The following WASL variants were observed in gnomAD, a reference collection of about 807,000 sequenced individuals.
WASL encodes the protein actin nucleation-promoting factor WASL.
WASL carries 20 observed loss-of-function variants against 55.5 expected under a neutral mutation model. The ratio of observed to expected loss-of-function variants is 0.36; its 90% CI spans 0.25 to 0.52. The LOEUF (loss-of-function observed/expected upper bound fraction) is 0.52, where lower values mean the gene tolerates loss of function less well. Among genes scored for constraint, WASL ranks in the 20% least tolerant of loss-of-function variants. WASL has a pLI of 0.92. For synonymous variants in WASL, 249 were observed against 217.6 expected (o/e 1.14, Z -1.27); for missense variants, 504 against 622.5 (o/e 0.81, Z 2.03).
At chr7:123,688,666 A>AT (rs1274776281) in intron 10 of WASL, among the ~76,000 whole-genome samples, 1 of 152,034 alleles carries the variant, frequency 6.6e-6, no homozygotes, top group Admixed American at 6.6e-5. Flanking sequence ...CCAGCCCTGA[A>AT]TTTTTCATGT....
At chr7:123,695,710 A>G in intron 7 of WASL, 113 bp downstream of exon 7, 2 of 998,944 alleles carry the variant, frequency 2.0e-6, no homozygotes, top group Non-Finnish European at 3.0e-6. Flanking sequence ...CATAAAACAC[A>G]AGCACATTCA....
chr7:123,732,770 C>T (rs933014632), intron 1 of WASL, among the ~76,000 whole-genome samples: 1 of 151,906 alleles, frequency 6.6e-6, no homozygotes, highest in East Asian at 1.9e-4. Context: ...CTCTCATGAA[C>T]AAAGATGGAA....
intron 1 of WASL, among the ~76,000 whole-genome samples, chr7:123,739,876 A>ATGTGTGTGTGTG: frequency 8.7e-6 from 1 of 115,530 alleles, no homozygotes; most frequent in Non-Finnish European, 1.8e-5. Flanking sequence ...ACATTTATAT[A>ATGTGTGTGTGTG]TGTGTGTGTG....
intron 5 of WASL, among the ~76,000 whole-genome samples, 175 bp downstream of exon 5, chr7:123,704,459 A>T (rs1196137196): frequency 6.6e-6 from 1 of 152,180 alleles, no homozygotes. Context: ...GGAACACAAT[A>T]AACTGTATAA....
At chr7:123,727,390 T>C (rs1235750229) in intron 1 of WASL, among the ~76,000 whole-genome samples, 10 of 104,628 alleles carry the variant, frequency 9.6e-5, no homozygotes, top group Non-Finnish European at 1.6e-4. Flanking sequence ...CACAAACTTA[T>C]ACAAGAACAC....
Position 123,682,852 on chromosome 7 carries a change from A to G in WASL, c.*1667T>C, listed in dbSNP as rs1803220010. 1 of 152,136 alleles carries G rather than the reference A, an allele frequency of 6.6e-6. No individual in the cohort carries two copies. The highest frequency in any genetic ancestry group is 1.5e-5 in the Non-Finnish European group (1 of 68,012). The allele number at this position is 152,136 out of a possible 1,614,324, so 9.4% of individuals were successfully genotyped here. A position where few individuals can be genotyped will look rare whatever the true frequency, so the allele number is the denominator to read the frequency against. On this transcript the variant is annotated 3_prime_UTR_variant, in exon 11 of 11. Coordinates refer to ENST00000223023, the MANE Select transcript of WASL (RefSeq NM_003941.4). ...AGGGCACTGTTGTTGCAAGAAACAAAAAGTCTAGAATCTTTCCCATGTGCT... is the reference window on the plus strand; with the variant it reads ...AGGGCACTGTTGTTGCAAGAAACAAGAAGTCTAGAATCTTTCCCATGTGCT...
intron 5 of WASL, among the ~76,000 whole-genome samples, chr7:123,702,357 G>GAA (rs1479940493): frequency 6.6e-6 from 1 of 152,092 alleles, no homozygotes; most frequent in Non-Finnish European, 1.5e-5. Context: ...CGCCCGGCCT[G>GAA]AAACTACATT....
At position 123,748,708 on chromosome 7, in the gene WASL, C is replaced by T. The variant is rs1804488876; in HGVS notation, c.27G>A (p.Pro9=). ...CCACGTTGGTGACCCTCCGCGGCGG[C>T]GGCGGCTGCTGCTGGACGGAGCTCA... The part of the protein sequence containing the change: MSSVQQQP[P]PPRRVTNVGS... The change falls in exon 1 of 11, where the codon CCG becomes CCA. Residue 9 remains proline (P), a synonymous_variant. Transcript: ENST00000223023. 6.2e-7 allele frequency: 1 copy of T among 1,607,146 alleles called. No homozygotes were observed. The highest frequency in any genetic ancestry group is 8.5e-7 in the Non-Finnish European group (1 of 1,177,272).
chr7:123,741,392 TCA>T (rs953806036), intron 1 of WASL, among the ~76,000 whole-genome samples: 4 of 152,162 alleles, frequency 2.6e-5, no homozygotes, highest in African/African-American at 9.7e-5. Context: ...TCACCTAAAG[TCA>T]CAGTTTCCAA....
At chr7:123,720,298 T>C (rs12674456) in intron 1 of WASL, 56,952 of 406,714 alleles carry the variant, frequency 0.14, 3,949 homozygotes, top group African/African-American at 0.17. Context: ...ACACACTCAT[T>C]AAATAAAGCA....
intron 10 of WASL, among the ~76,000 whole-genome samples, chr7:123,688,050 TAAG>T (rs1314806925): frequency 6.6e-6 from 1 of 152,204 alleles, no homozygotes; most frequent in African/African-American, 2.4e-5. Context: ...TAAATAAATC[TAAG>T]AAGAAAGATC....
In WASL at chr7:123,748,663, C is replaced by T; in HGVS notation, c.72G>A (p.Pro24=). The T allele has an allele frequency of 6.2e-7, 1 of 1,613,066 alleles. No homozygotes were observed. Among genetic ancestry groups the T allele is most frequent in the Non-Finnish European group, 8.5e-7 (1 of 1,179,562 alleles). The change falls in exon 1 of 11, where the codon CCG becomes CCA. Residue 24 remains proline, a synonymous_variant. Coordinates refer to ENST00000223023, the MANE Select transcript of WASL (RefSeq NM_003941.4). ...AAGTGAAGAGGGACTCGTTCTCCTGCGGGGTGAGCAACAGGGACCCCACGT... is the reference window on the plus strand; with the variant it reads ...AAGTGAAGAGGGACTCGTTCTCCTGTGGGGTGAGCAACAGGGACCCCACGT... ...VTNVGSLLLT[P]QENESLFTFL... is the part of the protein sequence containing the mutation.
chr7:123,693,033 A>AT (rs1213283673), intron 8 of WASL, among the ~76,000 whole-genome samples, 166 bp from the exon 9 acceptor site: 4 of 151,994 alleles, frequency 2.6e-5, no homozygotes, highest in Admixed American at 6.6e-5. Context: ...ATATCTCACA[A>AT]TTTTTTTTGA....
intron 1 of WASL, among the ~76,000 whole-genome samples, chr7:123,734,850 C>T (rs1032972798): frequency 5.3e-5 from 8 of 151,860 alleles, no homozygotes; most frequent in African/African-American, 1.7e-4. Context: ...AACAAATTTA[C>T]CTAATACAAA....
At chr7:123,704,739 C>CAATTTAGGAATAAGACAGT in intron 4 of WASL, 82 bp from the exon 5 acceptor site, 1 of 938,574 alleles carries the variant, frequency 1.1e-6, no homozygotes, top group Non-Finnish European at 1.5e-6. Context: ...ACTAAACTGT[C>CAATTTAGGAATAAGACAGT]TTATTCCTAA....
intron 1 of WASL, among the ~76,000 whole-genome samples, chr7:123,713,126 T>C (rs1803785337): frequency 6.6e-6 from 1 of 152,168 alleles, no homozygotes; most frequent in South Asian, 2.1e-4. Context: ...ATATACAATG[T>C]TAAAGAAAAT....
intron 1 of WASL, among the ~76,000 whole-genome samples, chr7:123,726,411 C>T (rs960960994): frequency 6.6e-6 from 1 of 152,068 alleles, no homozygotes; most frequent in East Asian, 1.9e-4. Context: ...AAGTTAGAAT[C>T]ACAAAGCTCC....
chr7:123,724,544 T>C (rs1360023420), intron 1 of WASL, among the ~76,000 whole-genome samples: 1 of 152,218 alleles, frequency 6.6e-6, no homozygotes, highest in African/African-American at 2.4e-5. Context: ...ACCAAAACAC[T>C]GTTCACCCTC....
intron 1 of WASL, among the ~76,000 whole-genome samples, chr7:123,719,602 G>A (rs965911360): frequency 6.6e-6 from 1 of 152,162 alleles, no homozygotes; most frequent in African/African-American, 2.4e-5. Flanking sequence ...ACCCTTGGCT[G>A]ACAGAAAAAT....
Sources: allele counts gnomAD v4.1 joint callset (sites outside exome capture counted in the v4.1 genomes callset), GRCh38; gene constraint gnomAD v4.1.1; transcripts MANE v1.5; gene names NCBI Gene and HGNC (gene_info 2026-07-23, HGNC 2026-07-21).